Variants in PCDHA13 observed in about 807,000 individuals in gnomAD.
PCDHA13 encodes the protein protocadherin alpha 13.
In PCDHA13, 54 loss-of-function variants were observed where a neutral mutation model predicts 64.8. That is an observed-to-expected ratio of 0.83 (90% CI 0.67 to 1.04). The LOEUF (loss-of-function observed/expected upper bound fraction) is 1.04, where lower values mean the gene tolerates loss of function less well. Ranked by LOEUF, PCDHA13 falls within the 50% of genes least tolerant of loss-of-function variation. PCDHA13 has a pLI of 0.00. For missense variants in PCDHA13, 1,248 were observed against 1,254.3 expected (o/e 0.99, Z 0.08); for synonymous variants, 587 against 564.4 (o/e 1.04, Z -0.57).
chr5:140,968,383 T>C, intron 1 of PCDHA13: 1 of 1,614,044 alleles, frequency 6.2e-7, no homozygotes. Context: ...CCTTTGACTA[T>C]GAGAAGTTTC....
At chr5:140,992,187 G>C (rs1395618041) in intron 3 of PCDHA13, among the ~76,000 whole-genome samples, 1 of 152,118 alleles carries the variant, frequency 6.6e-6, no homozygotes, top group Non-Finnish European at 1.5e-5. Flanking sequence ...CATGCTTTCA[G>C]TGATCTATCC....
chr5:140,945,275 A>G (rs1205952276), intron 1 of PCDHA13, among the ~76,000 whole-genome samples: 2 of 152,186 alleles, frequency 1.3e-5, no homozygotes, highest in Non-Finnish European at 2.9e-5. Context: ...TGAAAACTTT[A>G]AAACATTGAT....
At chr5:140,887,692 A>G (rs886236141) in intron 1 of PCDHA13, among the ~76,000 whole-genome samples, 1 of 152,126 alleles carries the variant, frequency 6.6e-6, no homozygotes, top group Non-Finnish European at 1.5e-5. Flanking sequence ...ATTCAGGAAA[A>G]AATCAACCAT....
chr5:140,942,902 A>G (rs956281163), intron 1 of PCDHA13, among the ~76,000 whole-genome samples: 7 of 152,112 alleles, frequency 4.6e-5, no homozygotes, highest in Admixed American at 1.3e-4. Context: ...ATCTCTAAGA[A>G]TAAGCGTGAA....
At chr5:140,927,183 C>G (rs1554204140) in intron 1 of PCDHA13, 2 of 1,614,042 alleles carry the variant, frequency 1.2e-6, no homozygotes, top group African/African-American at 2.7e-5. Flanking sequence ...TCTTGACCTA[C>G]GACCTGGTGC....
At chr5:140,938,322 A>G (rs1467948489) in intron 1 of PCDHA13, among the ~76,000 whole-genome samples, 1 of 152,240 alleles carries the variant, frequency 6.6e-6, no homozygotes, top group Admixed American at 6.5e-5. Context: ...ATTGAATAGA[A>G]GTAATGTTAA....
intron 1 of PCDHA13, chr5:140,969,456 A>G (rs963968770): frequency 4.0e-6 from 6 of 1,508,992 alleles, no homozygotes; most frequent in Admixed American, 2.2e-5. Flanking sequence ...CTGAGTATAT[A>G]TAGTATCCAC....
intron 1 of PCDHA13, among the ~76,000 whole-genome samples, chr5:140,916,285 G>A (rs530335868): frequency 1.2e-4 from 18 of 152,154 alleles, no homozygotes; most frequent in Non-Finnish European, 2.4e-4. Flanking sequence ...TCTACTCCAC[G>A]TGGCCAAACT....
chr5:140,946,156 T>G (rs138161459), intron 1 of PCDHA13, among the ~76,000 whole-genome samples: 1 of 151,944 alleles, frequency 6.6e-6, no homozygotes, highest in Non-Finnish European at 1.5e-5. Flanking sequence ...TAACACGATT[T>G]AAAAGATGGG....
chr5:140,944,623 T>A (rs535315515), intron 1 of PCDHA13, among the ~76,000 whole-genome samples: 62 of 152,320 alleles, frequency 4.1e-4, no homozygotes, highest in Non-Finnish European at 7.3e-4. Context: ...AGAAGTATAG[T>A]GTTGTAAGCC....
chr5:141,008,040 T>C (rs1408807855), intron 3 of PCDHA13, among the ~76,000 whole-genome samples: 1 of 152,200 alleles, frequency 6.6e-6, no homozygotes, highest in Admixed American at 6.5e-5. Context: ...ATCTGCCTTT[T>C]GTAACAGGGG....
At chr5:140,976,330 T>C (rs139191853) in intron 1 of PCDHA13, among the ~76,000 whole-genome samples, 1 of 152,088 alleles carries the variant, frequency 6.6e-6, no homozygotes, top group Non-Finnish European at 1.5e-5. Flanking sequence ...GAGGGTGGAT[T>C]GCCTGAGGTC....
At chr5:140,945,349 T>G (rs578151486) in intron 1 of PCDHA13, among the ~76,000 whole-genome samples, 43 of 152,144 alleles carry the variant, frequency 2.8e-4, no homozygotes, top group Non-Finnish European at 4.9e-4. Context: ...TTGGAAAAAT[T>G]AATACTGTTT....
chr5:140,945,425 G>T (rs246059), intron 1 of PCDHA13, among the ~76,000 whole-genome samples: 85,681 of 151,722 alleles, frequency 0.56, 24,785 homozygotes, highest in African/African-American at 0.69. Flanking sequence ...TTTCAATGAA[G>T]TTTTTACAGA....
At chr5:140,969,473 A>C (rs562575347) in intron 1 of PCDHA13, 2 of 1,478,208 alleles carry the variant, frequency 1.4e-6, no homozygotes, top group South Asian at 2.8e-5. Context: ...CCACAATTTG[A>C]TCATAATCTG....
In PCDHA13 at chr5:141,011,141, A is replaced by T. The variant is rs1039778930; in HGVS notation, c.*1204A>T. ...ACAATTATGTGCACTTTGATACACA[A>T]CCTTCTCTAACCAACTATATATCAA... is the stretch of plus-strand genomic sequence containing the variant. On this transcript the variant is annotated 3_prime_UTR_variant, in exon 4 of 4. Transcript: ENST00000289272. 2.6e-5 allele frequency: 4 copies of T among 153,668 alleles called. No homozygotes were observed. The highest frequency in any genetic ancestry group is 4.4e-5 in the Non-Finnish European group (3 of 68,036). The allele number at this position is 153,668 out of a possible 1,614,324, so 9.5% of individuals were successfully genotyped here. A position where few individuals can be genotyped will look rare whatever the true frequency, so the allele number is the denominator to read the frequency against.
At chr5:140,969,945 A>G (rs2096371634) in intron 1 of PCDHA13, among the ~76,000 whole-genome samples, 1 of 152,214 alleles carries the variant, frequency 6.6e-6, no homozygotes, top group South Asian at 2.1e-4. Flanking sequence ...TACTGAAGCT[A>G]AAGTTTGCTT....
chr5:140,976,553 A>C (rs1554237789), intron 1 of PCDHA13, among the ~76,000 whole-genome samples: 1 of 152,074 alleles, frequency 6.6e-6, no homozygotes, highest in African/African-American at 2.4e-5. Flanking sequence ...CCTATCTCAT[A>C]AATAAATAAA....
intron 1 of PCDHA13, among the ~76,000 whole-genome samples, chr5:140,970,399 G>A (rs2096402631): frequency 6.6e-6 from 1 of 152,172 alleles, no homozygotes; most frequent in Non-Finnish European, 1.5e-5. Flanking sequence ...AAAGTGGATG[G>A]CTTACCCTAC....
Sources: allele counts gnomAD v4.1 joint callset (sites outside exome capture counted in the v4.1 genomes callset), GRCh38; gene constraint gnomAD v4.1.1; transcripts MANE v1.5; gene names NCBI Gene and HGNC (gene_info 2026-07-23, HGNC 2026-07-21).